FREM1: variants seen among roughly 807,000 people sequenced by gnomAD.
FREM1 encodes the protein FRAS1-related extracellular matrix protein 1.
In FREM1, 220 loss-of-function variants were observed where a neutral mutation model predicts 210.1. That is an observed-to-expected ratio of 1.05 (90% CI 0.94 to 1.17). The LOEUF (loss-of-function observed/expected upper bound fraction) is 1.17, where lower values mean the gene tolerates loss of function less well. Among genes scored for constraint, FREM1 ranks in the 50% most tolerant of loss-of-function variants. FREM1 has a pLI of 0.00. For synonymous variants in FREM1, 1,189 were observed against 980.2 expected (o/e 1.21, Z -3.98); for missense variants, 3,454 against 2,675.5 (o/e 1.29, Z -6.42).
rs1360930254 is a variant in FREM1, at chr9:14,746,911, C to T, written c.6138+12G>A. 6.2e-7 allele frequency: 1 copy of T among 1,611,414 alleles called. No individual in the cohort carries two copies. Among genetic ancestry groups the T allele is most frequent in the East Asian group, 2.2e-5 (1 of 44,834 alleles). ...CGAATAAAGGTGCTTGGCTGCTCAG[C>T]CTGCCTCCTACCTTGGTTTGGGGAC... is the stretch of plus-strand genomic sequence containing the variant. On this transcript the variant is annotated intron_variant, in intron 34 of 36. Coordinates refer to ENST00000380880, the MANE Select transcript of FREM1 (RefSeq NM_001379081.2).
chr9:14,814,901 G>A (rs1820027942), intron 15 of FREM1, among the ~76,000 whole-genome samples: 1 of 152,180 alleles, frequency 6.6e-6, no homozygotes, highest in Non-Finnish European at 1.5e-5. Context: ...TTCCCAAAAT[G>A]CACTGCCTAT....
chr9:14,774,308 G>T (rs1467129270), intron 25 of FREM1: 2 of 391,882 alleles, frequency 5.1e-6, no homozygotes, highest in Middle Eastern at 3.8e-4. Context: ...ATGCAAGTGG[G>T]CTTCAACCAA....
Position 14,868,764 on chromosome 9 carries a change from C to A in FREM1, c.214G>T (p.Val72Phe). 6.2e-7 allele frequency: 1 copy of A among 1,611,508 alleles called. No individual in the cohort carries two copies. Among genetic ancestry groups the A allele is most frequent in the East Asian group, 2.2e-5 (1 of 44,860 alleles). Residue 72 changes from valine (V) to phenylalanine (F), a missense_variant, in exon 2 of 37, where the codon GTT becomes TTT. Val to Phe is a conservative substitution (Grantham distance 50). Transcript: ENST00000380880. ...VVMNEPITQR[V>F]GKLTPQVFDC... ...CCTACCTGTGGAGTGAGTTTCCCAA[C>A]CCTCTGGGTTATTGGCTCATTCATC...
In FREM1 at chr9:14,788,991, A is replaced by T; in HGVS notation, c.4105T>A (p.Phe1369Ile). ...CTGTTGTTGCCATCCCAAAGGTAGA[A>T]GGTGAAGCTATCTTGATTCTGGGAA... ...MDSQNQDSFT[F>I]YLWDGNNRSP... is the part of the protein sequence containing the mutation. The change falls in exon 23 of 37, where the codon TTC (phenylalanine) becomes ATC (isoleucine). Residue 1369 changes from phenylalanine (F) to isoleucine (I), a missense_variant. By Grantham distance (21) the Phe-to-Ile change is conservative. Transcript: ENST00000380880. The T allele has an allele frequency of 6.2e-7, 1 of 1,613,004 alleles. No individual in the cohort carries two copies. The highest frequency in any genetic ancestry group is 8.5e-7 in the Non-Finnish European group (1 of 1,179,562).
At chr9:14,743,099 C>T (rs999584401) in intron 35 of FREM1, among the ~76,000 whole-genome samples, 1 of 152,018 alleles carries the variant, frequency 6.6e-6, no homozygotes, top group African/African-American at 2.4e-5. Flanking sequence ...ACATTATTGA[C>T]AAGGAGGCAT....
At chr9:14,815,101 G>A (rs12006539) in intron 15 of FREM1, among the ~76,000 whole-genome samples, 4,684 of 152,288 alleles carry the variant, frequency 0.031, 214 homozygotes, top group African/African-American at 0.1. Flanking sequence ...GTGGGAAAAC[G>A]AAAGGAAGAG....
intron 35 of FREM1, among the ~76,000 whole-genome samples, chr9:14,741,125 C>A (rs1362293324): frequency 6.6e-6 from 1 of 151,982 alleles, no homozygotes; most frequent in Non-Finnish European, 1.5e-5. Flanking sequence ...ATTTTAAACA[C>A]TTAAAAAATC....
At position 14,801,883 on chromosome 9, in the gene FREM1, G is replaced by T. The variant is rs1280405218; in HGVS notation, c.3472-9C>A. The T allele has an allele frequency of 1.3e-6, 2 of 1,584,654 alleles. No homozygotes were observed. The highest frequency in any genetic ancestry group is 2.3e-5 in the South Asian group (2 of 87,358). On this transcript the variant is annotated splice_polypyrimidine_tract_variant and intron_variant, in intron 19 of 36. Transcript: ENST00000380880. ...ATCTGACCCTCACACACCTGAGCAA[G>T]AACACATGAGAAAAGTCAACAATGC...
intron 10 of FREM1, among the ~76,000 whole-genome samples, chr9:14,827,688 T>C (rs1037399207): frequency 7.9e-5 from 12 of 152,138 alleles, no homozygotes; most frequent in African/African-American, 2.9e-4. Flanking sequence ...AATGGAAAAA[T>C]GACCCTGAAG....
chr9:14,847,636 T>C lies in FREM1; in HGVS notation c.1261+1029A>G, dbSNP rs531076803. On this transcript the variant is annotated intron_variant, in intron 7 of 36. Transcript: ENST00000380880. ...CATTGGTTATATCTTCACGGCGAAA[T>C]AATAATTTTAGATGCATTCTCCAAA... Among the ~76,000 whole-genome samples the C allele has an allele frequency of 2.6e-5, 4 of 152,166 alleles. No individual in the cohort carries two copies. The South Asian group carries it at 8.3e-4, about 32-fold the overall frequency.
intron 2 of FREM1, among the ~76,000 whole-genome samples, chr9:14,866,558 G>C (rs1831558317): frequency 6.6e-6 from 1 of 152,138 alleles, no homozygotes; most frequent in African/African-American, 2.4e-5. Flanking sequence ...GTTTTGCTCA[G>C]TTGGGCATGC....
intron 29 of FREM1, among the ~76,000 whole-genome samples, chr9:14,756,047 C>T (rs1034553478): frequency 6.6e-6 from 1 of 152,138 alleles, no homozygotes; most frequent in Non-Finnish European, 1.5e-5. Flanking sequence ...GGCAATTAAA[C>T]TATAACAGCT....
intron 3 of FREM1, among the ~76,000 whole-genome samples, chr9:14,861,487 C>T (rs1221947536): frequency 1.3e-5 from 2 of 148,724 alleles, no homozygotes; most frequent in Non-Finnish European, 3.0e-5. Flanking sequence ...ATTGAGCATT[C>T]CCTCAAGCAT....
intron 25 of FREM1, among the ~76,000 whole-genome samples, chr9:14,775,001 G>A (rs1011287269): frequency 3.9e-5 from 6 of 152,200 alleles, no homozygotes; most frequent in Non-Finnish European, 7.3e-5. Context: ...AACTGCAATT[G>A]CTGCTATTAT....
At chr9:14,811,476 C>T (rs7847406) in intron 16 of FREM1, among the ~76,000 whole-genome samples, 4,734 of 152,250 alleles carry the variant, frequency 0.031, 219 homozygotes, top group African/African-American at 0.11. Context: ...TTCAGATCCA[C>T]TGGGGAAATC....
chr9:14,813,120 T>C, intron 15 of FREM1, 56 bp from the exon 16 acceptor site: 1 of 1,533,154 alleles, frequency 6.5e-7, no homozygotes, highest in Non-Finnish European at 8.9e-7. Context: ...ACAAATTCTT[T>C]GACAGGTAAT....
intron 2 of FREM1, 79 bp from the exon 3 acceptor site, chr9:14,863,982 C>A: frequency 1.2e-6 from 1 of 863,912 alleles, no homozygotes; most frequent in Non-Finnish European, 1.9e-6. Flanking sequence ...AGAGCACTGC[C>A]TGGAGAAAAT....
chr9:14,790,698 G>A (rs763320402), intron 22 of FREM1: 4 of 152,124 alleles, frequency 2.6e-5, no homozygotes, highest in Non-Finnish European at 5.9e-5. Flanking sequence ...ATAAGAAAAC[G>A]ATAACTCTTG....
chr9:14,769,487 T>C (rs887071497), intron 27 of FREM1, among the ~76,000 whole-genome samples: 4 of 152,190 alleles, frequency 2.6e-5, no homozygotes, highest in African/African-American at 9.7e-5. Flanking sequence ...ACATGCATAA[T>C]ATGAACGTCA....
Sources: allele counts gnomAD v4.1 joint callset (sites outside exome capture counted in the v4.1 genomes callset), GRCh38; gene constraint gnomAD v4.1.1; transcripts MANE v1.5; gene names NCBI Gene and HGNC (gene_info 2026-07-23, HGNC 2026-07-21).